ASIC2: variants seen among roughly 807,000 people sequenced by gnomAD.
ASIC2 encodes the protein acid sensing ion channel subunit 2, also known as acid-sensing ion channel 2.
A neutral mutation model predicts 57.3 loss-of-function variants in ASIC2; 25 were observed. The ratio of observed to expected loss-of-function variants is 0.44; its 90% confidence interval spans 0.32 to 0.61. The LOEUF (loss-of-function observed/expected upper bound fraction) is 0.61, where lower values mean the gene tolerates loss of function less well. ASIC2 is among the 20% of genes least tolerant of loss of function. ASIC2 has a pLI of 0.06. For synonymous variants in ASIC2, 319 were observed against 307.5 expected, an observed-to-expected ratio of 1.04 and a Z score of -0.39; for missense variants, 641 against 738.1, an observed-to-expected ratio of 0.87 and a Z score of 1.52.
intron 1 of ASIC2, among the ~76,000 whole-genome samples, chr17:33,829,684 C>A (rs894843005): frequency 6.6e-6 from 1 of 151,428 alleles, no homozygotes; most frequent in African/African-American, 2.4e-5. Context: ...TCAAGCGATT[C>A]TCCTGACTCA....
At chr17:34,147,005 A>G (rs1469345790) in intron 1 of ASIC2, 1 of 152,184 alleles carries the variant, frequency 6.6e-6, no homozygotes, top group Non-Finnish European at 1.5e-5. Flanking sequence ...TTCTGCTTCC[A>G]TTGTACATAT....
chr17:33,374,583 A>G (rs1359568052), intron 1 of ASIC2, among the ~76,000 whole-genome samples: 1 of 151,508 alleles, frequency 6.6e-6, no homozygotes. Context: ...TGTCAATTAA[A>G]CTCTTTCTTT....
At chr17:33,374,603 C>T (rs1909207875) in intron 1 of ASIC2, among the ~76,000 whole-genome samples, 1 of 152,220 alleles carries the variant, frequency 6.6e-6, no homozygotes, top group Admixed American at 6.5e-5. Context: ...TACTGCAATG[C>T]TGTGGTCTCA....
intron 1 of ASIC2, among the ~76,000 whole-genome samples, chr17:33,341,901 T>C (rs1406438596): frequency 6.6e-6 from 1 of 152,202 alleles, no homozygotes; most frequent in East Asian, 1.9e-4. Flanking sequence ...ATTCTCAGAC[T>C]GACACTCAGA....
chr17:33,764,492 G>T (rs529208709), intron 1 of ASIC2, among the ~76,000 whole-genome samples: 152 of 152,246 alleles, frequency 1.0e-3, no homozygotes, highest in Middle Eastern at 3.4e-3. Context: ...GTGGAGGCTG[G>T]GAGGTTTAAG....
intron 3 of ASIC2, among the ~76,000 whole-genome samples, chr17:33,081,543 T>C (rs1461118854): frequency 6.6e-6 from 1 of 151,282 alleles, no homozygotes; most frequent in East Asian, 1.9e-4. Context: ...TCATGTGTAA[T>C]AAATTCTCTC....
At chr17:33,448,793 G>GT (rs765486181) in intron 1 of ASIC2, among the ~76,000 whole-genome samples, 2 of 152,212 alleles carry the variant, frequency 1.3e-5, no homozygotes, top group Non-Finnish European at 2.9e-5. Flanking sequence ...ACTAATAAGA[G>GT]TAGGGGCCAT....
intron 1 of ASIC2, among the ~76,000 whole-genome samples, chr17:33,783,509 TG>T (rs1183181125): frequency 1.3e-5 from 2 of 152,310 alleles, no homozygotes; most frequent in Admixed American, 6.5e-5. Flanking sequence ...CTGTTGTTGG[TG>T]AATAAATGAG....
intron 1 of ASIC2, among the ~76,000 whole-genome samples, chr17:34,024,339 C>T (rs1300749717): frequency 6.6e-6 from 1 of 152,216 alleles, no homozygotes. Context: ...TTCAGATCCC[C>T]CAACACATGC....
intron 3 of ASIC2, among the ~76,000 whole-genome samples, chr17:33,069,934 C>T (rs1234140576): frequency 6.6e-6 from 1 of 152,094 alleles, no homozygotes; most frequent in Non-Finnish European, 1.5e-5. Flanking sequence ...TCATTTTCTG[C>T]CTCCAACTGC....
In ASIC2 at chr17:33,088,908, C is replaced by T. The variant is rs997198571; in HGVS notation, c.942G>A (p.Gly314=). 2 of 1,613,902 alleles carry T rather than the reference C, an allele frequency of 1.2e-6. No individual in the cohort carries two copies. The highest frequency in any genetic ancestry group is 1.3e-5 in the African/African-American group (1 of 74,890). ...EPPFIQELGF[G]VAPGFQTFVA... ...CAAAGGTCTGGAACCCTGGAGCCAC[C>T]CCAAAGCCCAGCTCTTGGATGAAAG... Residue 314 remains glycine, a synonymous_variant, in exon 3 of 10, where the codon GGG becomes GGA. Coordinates refer to ENST00000225823, the MANE Select transcript of ASIC2 (RefSeq NM_183377.2).
intron 1 of ASIC2, among the ~76,000 whole-genome samples, chr17:33,852,267 T>C (rs1253620860): frequency 1.3e-5 from 2 of 152,234 alleles, no homozygotes; most frequent in South Asian, 4.1e-4. Context: ...TTGAATCTTT[T>C]AGATATGTGA....
chr17:34,084,239 GTGGCTAGCCAGTTTTCCACATA>G (rs1172554333), intron 1 of ASIC2, among the ~76,000 whole-genome samples: 18 of 151,606 alleles, frequency 1.2e-4, no homozygotes, highest in Non-Finnish European at 2.2e-4. Context: ...CTTTCTACAT[GTGGCTAGCCAGTTTTCCACATA>G]TGGCTAGCCA....
intron 1 of ASIC2, among the ~76,000 whole-genome samples, chr17:33,981,954 G>A (rs1340332283): frequency 6.6e-6 from 1 of 152,190 alleles, no homozygotes; most frequent in East Asian, 1.9e-4. Flanking sequence ...ACTACTATCA[G>A]GGAGAATTGG....
At chr17:33,839,860 G>A (rs1197800393) in intron 1 of ASIC2, among the ~76,000 whole-genome samples, 2 of 152,188 alleles carry the variant, frequency 1.3e-5, no homozygotes, top group African/African-American at 4.8e-5. Flanking sequence ...ACCAGAGCCA[G>A]CCTTGTTGCT....
intron 1 of ASIC2, among the ~76,000 whole-genome samples, chr17:33,584,136 G>T (rs2142001308): frequency 6.6e-6 from 1 of 152,216 alleles, no homozygotes; most frequent in Admixed American, 6.5e-5. Context: ...CTGGCCTCTA[G>T]GTCATAAACA....
intron 1 of ASIC2, among the ~76,000 whole-genome samples, chr17:33,276,572 GA>G (rs1904714016): frequency 1.3e-5 from 2 of 152,316 alleles, no homozygotes; most frequent in African/African-American, 4.8e-5. Context: ...CACAAAATCA[GA>G]AAAGGGAGCA....
intron 1 of ASIC2, among the ~76,000 whole-genome samples, chr17:33,304,867 G>T (rs892742895): frequency 3.3e-5 from 5 of 152,040 alleles, no homozygotes; most frequent in African/African-American, 4.8e-5. Flanking sequence ...ACCTGGTTTG[G>T]TGCCCTTGAC....
intron 1 of ASIC2, among the ~76,000 whole-genome samples, chr17:34,035,614 A>C (rs1317377361): frequency 6.6e-6 from 1 of 152,168 alleles, no homozygotes; most frequent in Non-Finnish European, 1.5e-5. Flanking sequence ...AACAGGAAAA[A>C]ATTTTTGCAA....
Sources: gnomAD v4.1 joint callset for allele counts (sites outside exome capture counted in the v4.1 genomes callset) on GRCh38, gnomAD v4.1.1 for gene constraint, MANE v1.5 for transcripts, NCBI Gene and HGNC (gene_info 2026-07-23, HGNC 2026-07-21) for gene names.